The following CARMIL3 variants were observed in gnomAD, a reference collection of about 807,000 sequenced individuals.
CARMIL3 encodes capping protein regulator and myosin 1 linker 3.
A neutral mutation model predicts 180.8 loss-of-function variants in CARMIL3; 88 were observed. The ratio of observed to expected loss-of-function variants is 0.49; its 90% CI spans 0.41 to 0.58. The LOEUF is 0.58. Among genes scored for constraint, CARMIL3 ranks in the 20% least tolerant of loss-of-function variants. CARMIL3 has a pLI of 0.00. For missense variants in CARMIL3, 1,548 were observed against 1,787.0 expected (o/e 0.87, Z 2.41); for synonymous variants, 696 against 714.5 (o/e 0.97, Z 0.41).
At chr14:24,055,892 G>T (rs2035667434) in intron 10 of CARMIL3, 103 bp downstream of exon 10, 13 of 1,103,416 alleles carry the variant, frequency 1.2e-5, no homozygotes, top group Non-Finnish European at 1.8e-5. Flanking sequence ...CTTATCCAGT[G>T]CCTCTCTCTA....
At chr14:24,056,204 C>T (rs1039348653) in intron 10 of CARMIL3, 95 bp from the exon 11 acceptor site, 2 of 1,028,606 alleles carry the variant, frequency 1.9e-6, no homozygotes. Flanking sequence ...GACCATGCAG[C>T]CCCAGCCAGG....
In CARMIL3 at chr14:24,058,222, G is replaced by C. The variant is rs755100290; in HGVS notation, c.1390G>C (p.Glu464Gln). 1.2e-6 allele frequency: 2 copies of C among 1,613,230 alleles called. No homozygotes were observed. The highest frequency in any genetic ancestry group is 1.7e-6 in the Non-Finnish European group (2 of 1,179,800). ...CCTGCACCTGGATCTCAGCAGCTGC[G>C]AGGTGAGCCCTCAGTCCCCAACCCC... ...SDLHLDLSSC[E>Q]LRSAGAQALQ... The change falls in exon 17 of 40, where the codon GAG (glutamate) becomes CAG (glutamine). Residue 464 changes from glutamate to glutamine, a missense_variant and splice_region_variant. Coordinates refer to ENST00000342740, the MANE Select transcript of CARMIL3 (RefSeq NM_138360.4). This position sits in a 1 kb window ranked among gnomAD's most constrained non-coding sequence, Gnocchi z 6.4.
chr14:24,052,474 G>C (rs2035626907), intron 1 of CARMIL3, among the ~76,000 whole-genome samples: 1 of 152,094 alleles, frequency 6.6e-6, no homozygotes, highest in Non-Finnish European at 1.5e-5. Flanking sequence ...GCTGACTCTC[G>C]GCGTTCCTAG....
At chr14:24,063,627 G>C (rs2035755961) in intron 31 of CARMIL3, 94 bp downstream of exon 31, 1 of 1,273,510 alleles carries the variant, frequency 7.9e-7, no homozygotes, top group Non-Finnish European at 1.1e-6. Context: ...AGAGACAGTA[G>C]CCTTGAGGGA....
chr14:24,062,981 C>G lies in CARMIL3; in HGVS notation c.2706+135C>G, dbSNP rs1347004263. ...CTGGCCTTCTGCCTCCAATCTCAAT[C>G]CAGCCCAACCTCTTCCCTCATCCCA... On this transcript the variant is annotated intron_variant, in intron 29 of 39. Transcript: ENST00000342740. The G allele has an allele frequency of 2.6e-6, 4 of 1,533,804 alleles. No individual in the cohort carries two copies. The Admixed American group carries it at 5.4e-5, about 21-fold the overall frequency.
chr14:24,052,016 C>T lies in CARMIL3; in HGVS notation c.-138C>T. 1.3e-6 allele frequency: 1 copy of T among 755,340 alleles called. No individual in the cohort carries two copies. The highest frequency in any genetic ancestry group is 3.1e-5 in the South Asian group (1 of 31,750). The allele number at this position is 755,340 out of a possible 1,614,324, so 46.8% of individuals were successfully genotyped here. On this transcript the variant is annotated 5_prime_UTR_variant, in exon 1 of 40. Transcript: ENST00000342740. ...GCGGGGGGAGGAGCGCTCAAGCAGC[C>T]GCCCCTGACCGGAGCGGGCTCGGCC... is the stretch of plus-strand genomic sequence containing the variant.
intron 27 of CARMIL3, chr14:24,062,097 T>G: frequency 2.9e-6 from 1 of 346,534 alleles, no homozygotes; most frequent in Non-Finnish European, 5.3e-6. Flanking sequence ...CACATACCTA[T>G]GAAACAGCTA....
In CARMIL3 at chr14:24,058,232, C is replaced by A; in HGVS notation, c.1392+8C>A. 6.2e-7 allele frequency: 1 copy of A among 1,612,524 alleles called. No homozygotes were observed. Among genetic ancestry groups the A allele is most frequent in the Non-Finnish European group, 8.5e-7 (1 of 1,179,486 alleles). On this transcript the variant is annotated splice_region_variant and intron_variant, in intron 17 of 39. Transcript: ENST00000342740. The surrounding 1 kb of genome is among the most constrained non-coding windows in gnomAD (Gnocchi z 6.4). ...GATCTCAGCAGCTGCGAGGTGAGCCCTCAGTCCCCAACCCCTCTGCCCGCC... is the reference window on the plus strand; with the variant it reads ...GATCTCAGCAGCTGCGAGGTGAGCCATCAGTCCCCAACCCCTCTGCCCGCC...
At chr14:24,063,640 G>A in intron 31 of CARMIL3, 107 bp downstream of exon 31, 1 of 1,117,226 alleles carries the variant, frequency 9.0e-7, no homozygotes, top group Non-Finnish European at 1.3e-6. Context: ...TTGAGGGATT[G>A]GGCAGGAGTC....
chr14:24,063,575 T>G (rs774144037), intron 31 of CARMIL3, 42 bp downstream of exon 31: 1 of 1,556,970 alleles, frequency 6.4e-7, no homozygotes, highest in Non-Finnish European at 8.7e-7. Context: ...CTTCACTCAG[T>G]GACACCAGAG....
At chr14:24,052,457 C>T (rs1439560123) in intron 1 of CARMIL3, among the ~76,000 whole-genome samples, 1 of 152,224 alleles carries the variant, frequency 6.6e-6, no homozygotes, top group East Asian at 1.9e-4. Flanking sequence ...CCCTGGCGCT[C>T]CCTGGGGCTG....
intron 31 of CARMIL3, 42 bp from the exon 32 acceptor site, chr14:24,064,204 C>A: frequency 6.8e-7 from 1 of 1,476,330 alleles, no homozygotes; most frequent in South Asian, 1.2e-5. Flanking sequence ...GTGGGGCTTC[C>A]TGACCTAGAT....
At position 24,059,511 on chromosome 14, in the gene CARMIL3, C is replaced by T. The variant is rs2035709641; in HGVS notation, c.1799+69C>T. The T allele has an allele frequency of 6.5e-7, 1 of 1,529,276 alleles. No homozygotes were observed. Among genetic ancestry groups the T allele is most frequent in the African/African-American group, 1.4e-5 (1 of 72,526 alleles). 94.7% of individuals were successfully genotyped at this position (1,529,276 alleles called of 1,614,324 possible). A position where few individuals can be genotyped will look rare whatever the true frequency, so the allele number is the denominator to read the frequency against. ...TCCCCATATGTACATAATCTCCCTG[C>T]TTTCCTTGATGCTCTGGACCCCAGC... On this transcript the variant is annotated intron_variant, in intron 21 of 39. Transcript: ENST00000342740. This position sits in a 1 kb window ranked among gnomAD's most constrained non-coding sequence, Gnocchi z 6.3.
intron 36 of CARMIL3, 138 bp from the exon 37 acceptor site, chr14:24,068,446 G>A: frequency 1.7e-6 from 1 of 600,084 alleles, no homozygotes; most frequent in Non-Finnish European, 2.8e-6. Flanking sequence ...AAAGGCACAT[G>A]AAAGGCAGAG....
intron 32 of CARMIL3, 134 bp downstream of exon 32, chr14:24,064,480 A>C: frequency 1.4e-6 from 1 of 690,686 alleles, no homozygotes; most frequent in Non-Finnish European, 2.5e-6. Context: ...ATTTCCCCAC[A>C]TTCTCATCCT....
At position 24,054,304 on chromosome 14, in the gene CARMIL3, G is replaced by A. The variant is rs368211193; in HGVS notation, c.246+3G>A. 1 of 1,614,192 alleles carries A rather than the reference G, an allele frequency of 6.2e-7. No individual in the cohort carries two copies. Among genetic ancestry groups the A allele is most frequent in the Non-Finnish European group, 8.5e-7 (1 of 1,180,034 alleles). ...TCAACACGCTCAGTCAGAATCAGGT[G>A]AGTACCAGGGCTTTGGGCCCCACTA... On this transcript the variant is annotated splice_donor_region_variant and intron_variant, in intron 4 of 39. Coordinates refer to ENST00000342740, the MANE Select transcript of CARMIL3 (RefSeq NM_138360.4). This position sits in a 1 kb window ranked among gnomAD's most constrained non-coding sequence, Gnocchi z 5.1.
chr14:24,056,340 G>C lies in CARMIL3; in HGVS notation c.812G>C (p.Gly271Ala). Reference protein sequence around the residue: ...QKLAGVFGENGSCVLHALTLS... With the variant: ...QKLAGVFGENASCVLHALTLS... The stretch of plus-strand genomic sequence containing the variant: ...CTGGCCGGGGTGTTTGGGGAGAACG[G>C]GAGCTGTGTGCTGCATGCCCTCACT... Residue 271 changes from glycine (G) to alanine (A), a missense_variant, in exon 11 of 40, where the codon GGG becomes GCG. This residue lies in a region of CARMIL3 where 578 missense variants were observed against 666.5 expected (regional missense o/e 0.87). Transcript: ENST00000342740. 1 of 1,613,980 alleles carries C rather than the reference G, an allele frequency of 6.2e-7. No individual in the cohort carries two copies. Among genetic ancestry groups the C allele is most frequent in the Non-Finnish European group, 8.5e-7 (1 of 1,179,906 alleles).
In CARMIL3 at chr14:24,065,262, C is replaced by T. The variant is rs116307579; in HGVS notation, c.3385C>T (p.Arg1129Cys). Residue 1129 changes from arginine to cysteine, a missense_variant, in exon 33 of 40, where the codon CGC (arginine) becomes TGC (cysteine). This residue lies in a region of CARMIL3 where 668 missense variants were observed against 687.8 expected (regional missense o/e 0.97). Transcript: ENST00000342740. ...TGGTGGGGGCCGGGGACCTTCCTTC[C>T]GCCGGAAGATGGTAAGTGAGGCAGG... ...GFGGGRGPSF[R>C]RKMGTEGSEP... 0.026 allele frequency: 39,206 copies of T among 1,534,222 alleles called. 563 individuals are homozygous for T. Among genetic ancestry groups the T allele is most frequent in the Non-Finnish European group, 0.029 (32,770 of 1,148,728 alleles).
At chr14:24,055,401 C>G in intron 8 of CARMIL3, 91 bp downstream of exon 8, 6 of 1,518,314 alleles carry the variant, frequency 4.0e-6, no homozygotes, top group Non-Finnish European at 5.5e-6. Context: ...GTCCCACAGC[C>G]CCAGCTCTAT....
Sources: gnomAD v4.1 joint callset for allele counts (sites outside exome capture counted in the v4.1 genomes callset) on GRCh38, gnomAD v4.1.1 for gene constraint, gnomAD v4.1.1 regional missense constraint, Gnocchi (gnomAD v3.1) non-coding constraint, MANE v1.5 for transcripts, NCBI Gene and HGNC (gene_info 2026-07-23, HGNC 2026-07-21) for gene names.